PHF3: variants seen among roughly 807,000 people sequenced by gnomAD.
PHF3 encodes the protein PHD finger protein 3.
A neutral mutation model predicts 178.4 loss-of-function variants in PHF3; 41 were observed. The ratio of observed to expected loss-of-function variants is 0.23; its 90% confidence interval spans 0.18 to 0.30. The LOEUF (loss-of-function observed/expected upper bound fraction) is 0.30, where lower values mean the gene tolerates loss of function less well. Among genes scored for constraint, PHF3 ranks in the 10% least tolerant of loss-of-function variants. PHF3 has a pLI of 1.00. For missense variants in PHF3, 2,346 were observed against 2,398.1 expected (o/e 0.98, Z 0.45); for synonymous variants, 842 against 800.5 (o/e 1.05, Z -0.88).
chr6:63,651,487 G>C (rs569523265), intron 2 of PHF3, among the ~76,000 whole-genome samples: 1 of 152,142 alleles, frequency 6.6e-6, no homozygotes, highest in African/African-American at 2.4e-5. Context: ...TCAGCCTCCT[G>C]AGTAGCCGGG....
Position 63,724,560 on chromosome 6 carries a change from G to A in PHF3, c.*10852G>A, listed in dbSNP as rs1055397413. On this transcript the variant is annotated 3_prime_UTR_variant, in exon 16 of 16. Transcript: ENST00000262043. ...ATTAATTTGTGCTTAACAAAATGTT[G>A]ATAATTTTTATATATCAAAAATCTT... Among the ~76,000 whole-genome samples, 3 of 152,014 alleles carry A rather than the reference G, an allele frequency of 2.0e-5. No individual in the cohort carries two copies. The highest frequency in any genetic ancestry group is 7.2e-5 in the African/African-American group (3 of 41,424).
intron 5 of PHF3, among the ~76,000 whole-genome samples, chr6:63,692,774 GA>G (rs1284939681): frequency 3.3e-5 from 5 of 152,160 alleles, no homozygotes; most frequent in African/African-American, 1.2e-4. Flanking sequence ...GTTTCTGTTT[GA>G]AATCCATTGC....
At chr6:63,671,355 A>G (rs1004681758) in intron 2 of PHF3, among the ~76,000 whole-genome samples, 1 of 152,198 alleles carries the variant, frequency 6.6e-6, no homozygotes, top group African/African-American at 2.4e-5. Flanking sequence ...GCCGGCAAGT[A>G]TTAGGTTAGT....
chr6:63,642,516 C>T (rs1217812448), intron 1 of PHF3, among the ~76,000 whole-genome samples: 1 of 152,130 alleles, frequency 6.6e-6, no homozygotes, highest in Non-Finnish European at 1.5e-5. Flanking sequence ...GCAGATTATT[C>T]ACTTATATAC....
chr6:63,692,026 G>T lies in PHF3; in HGVS notation c.2479G>T (p.Val827Phe), dbSNP rs561119066. 5.0e-5 allele frequency: 80 copies of T among 1,604,636 alleles called. 1 individual carries two copies. The South Asian group carries it at 8.7e-4, about 17-fold the overall frequency. ...KYIDDTVKHK[V>F]KILKRESGEG... Reference sequence around the variant, plus strand: ...TATAGATGATACAGTGAAGCACAAGGTCAAAATTTTAAAACGGGTGAGCTC... The same window carrying T: ...TATAGATGATACAGTGAAGCACAAGTTCAAAATTTTAAAACGGGTGAGCTC... Residue 827 changes from valine to phenylalanine, a missense_variant, in exon 5 of 16, where the codon GTC becomes TTC. Coordinates refer to ENST00000262043, the MANE Select transcript of PHF3 (RefSeq NM_001370348.2).
At chr6:63,702,320 G>A (rs775153448) in intron 9 of PHF3, 188 bp from the exon 10 acceptor site, 20 of 332,814 alleles carry the variant, frequency 6.0e-5, no homozygotes, top group Middle Eastern at 9.2e-4. Context: ...TCTTATAACC[G>A]CAGTACTTAA....
chr6:63,706,248 T>C, intron 12 of PHF3, 24 bp downstream of exon 12: 1 of 1,558,092 alleles, frequency 6.4e-7, no homozygotes, highest in South Asian at 1.2e-5. Context: ...TTGTAAATTC[T>C]GTAATACTCA....
intron 2 of PHF3, among the ~76,000 whole-genome samples, chr6:63,658,708 TTGTGTGTGTGTGTGTGTGTGTGTG>T (rs3071174): frequency 5.5e-5 from 8 of 145,204 alleles, no homozygotes; most frequent in South Asian, 2.2e-4. Context: ...CCAATAGATT[TTGTGTGTGTGTGTGTGTGTGTGTG>T]TGTGTGTGTG....
chr6:63,643,540 C>T (rs1489295086), intron 1 of PHF3, among the ~76,000 whole-genome samples: 1 of 152,134 alleles, frequency 6.6e-6, no homozygotes, highest in Non-Finnish European at 1.5e-5. Flanking sequence ...ATGTGATACG[C>T]TTTATTACTA....
chr6:63,714,654 C>G lies in PHF3; in HGVS notation c.*946C>G, dbSNP rs1768121622. On this transcript the variant is annotated 3_prime_UTR_variant, in exon 16 of 16. Coordinates refer to ENST00000262043, the MANE Select transcript of PHF3 (RefSeq NM_001370348.2). ...GATGAATTGTGTAGTTCTAAAGAGGCTAGAATTTAGAACTACCTGTGAAAC... is the reference window on the plus strand; with the variant it reads ...GATGAATTGTGTAGTTCTAAAGAGGGTAGAATTTAGAACTACCTGTGAAAC... 1.3e-5 allele frequency: 2 copies of G among 152,022 alleles called. No homozygotes were observed. The highest frequency in any genetic ancestry group is 4.1e-4 in the South Asian group (2 of 4,820). The allele number at this position is 152,022 out of a possible 1,614,324, so 9.4% of individuals were successfully genotyped here.
intron 2 of PHF3, among the ~76,000 whole-genome samples, chr6:63,650,734 T>G (rs535737901): frequency 1.3e-5 from 2 of 152,326 alleles, no homozygotes; most frequent in South Asian, 4.1e-4. Flanking sequence ...ATTGCACTTG[T>G]TCTGGAAAAA....
At chr6:63,700,515 C>T (rs761101211) in intron 9 of PHF3, 49 bp downstream of exon 9, 3 of 1,018,608 alleles carry the variant, frequency 2.9e-6, no homozygotes, top group South Asian at 2.7e-5. Flanking sequence ...CTATGTTTTT[C>T]AGCCATTGGG....
chr6:63,677,845 A>G (rs1236402553), intron 2 of PHF3, among the ~76,000 whole-genome samples: 2 of 152,202 alleles, frequency 1.3e-5, no homozygotes, highest in Non-Finnish European at 1.5e-5. Context: ...TACTATATAT[A>G]TATGCTTTTC....
chr6:63,655,042 T>C (rs1197169888), intron 2 of PHF3, among the ~76,000 whole-genome samples: 1 of 151,890 alleles, frequency 6.6e-6, no homozygotes, highest in Non-Finnish European at 1.5e-5. Context: ...TACAGGTGTG[T>C]GCTGCCACGC....
chr6:63,648,423 A>G (rs1412099939), intron 2 of PHF3, among the ~76,000 whole-genome samples: 3 of 152,136 alleles, frequency 2.0e-5, no homozygotes, highest in African/African-American at 7.2e-5. Flanking sequence ...AACTCCAGTT[A>G]CCTTCAAGGG....
intron 2 of PHF3, among the ~76,000 whole-genome samples, chr6:63,664,499 C>A (rs1765597254): frequency 6.6e-6 from 1 of 152,100 alleles, no homozygotes; most frequent in African/African-American, 2.4e-5. Flanking sequence ...CATTTGAGTG[C>A]ACACCAGTAT....
rs1438932985 is a variant in PHF3 at position 63,715,842 on chromosome 6, A to G, written c.*2134A>G. 2.0e-5 allele frequency among the ~76,000 whole-genome samples: 3 copies of G among 152,130 alleles called. No individual in the cohort carries two copies. The highest frequency in any genetic ancestry group is 4.4e-5 in the Non-Finnish European group (3 of 68,008). On this transcript the variant is annotated 3_prime_UTR_variant, in exon 16 of 16. Coordinates refer to ENST00000262043, the MANE Select transcript of PHF3 (RefSeq NM_001370348.2). ...GGGAAAATGAGCAGATTTTTCAATG[A>G]GTAGTAGATCCAAAGCCATTCTCAG...
At chr6:63,692,817 A>G (rs1056126888) in intron 5 of PHF3, among the ~76,000 whole-genome samples, 2 of 152,158 alleles carry the variant, frequency 1.3e-5, no homozygotes, top group African/African-American at 2.4e-5. Context: ...TAAGCATCTA[A>G]TTGTCAGAAA....
chr6:63,641,580 A>G (rs1420476966), intron 1 of PHF3, among the ~76,000 whole-genome samples: 2 of 151,206 alleles, frequency 1.3e-5, no homozygotes, highest in Non-Finnish European at 2.9e-5. Flanking sequence ...TTTAGGAAAT[A>G]ATAGGATAGA....
Sources: gnomAD v4.1 joint callset for allele counts (sites outside exome capture counted in the v4.1 genomes callset) on GRCh38, gnomAD v4.1.1 for gene constraint, MANE v1.5 for transcripts, NCBI Gene and HGNC (gene_info 2026-07-23, HGNC 2026-07-21) for gene names.